STXBP5: variants seen among roughly 807,000 people sequenced by gnomAD.
The protein encoded by STXBP5 is syntaxin binding protein 5, also known as syntaxin-binding protein 5.
Under a neutral mutation model 152.4 loss-of-function variants are expected in STXBP5, and 50 were observed. That is an observed-to-expected ratio of 0.33 (90% CI 0.26 to 0.42). STXBP5 has a LOEUF of 0.42. Ranked by LOEUF, STXBP5 falls within the 10% of genes least tolerant of loss-of-function variation. The pLI is 1.00. For missense variants in STXBP5, 1,167 were observed against 1,388.6 expected (o/e 0.84, Z 2.54); for synonymous variants, 492 against 494.7 (o/e 0.99, Z 0.07).
chr6:147,374,594 T>C (rs561703382), intron 26 of STXBP5, among the ~76,000 whole-genome samples: 74 of 152,284 alleles, frequency 4.9e-4, no homozygotes, highest in African/African-American at 1.6e-3. Context: ...TATAACGTTA[T>C]ATAAAACTCA....
In STXBP5 at chr6:147,235,301, A is replaced by G. The variant is rs776519631; in HGVS notation, c.300A>G (p.Ala100=). 1 of 1,613,098 alleles carries G rather than the reference A, an allele frequency of 6.2e-7. No individual in the cohort carries two copies. The highest frequency in any genetic ancestry group is 1.3e-5 in the African/African-American group (1 of 74,910). The change falls in exon 3 of 28, where the codon GCA becomes GCG. Residue 100 remains alanine, a synonymous_variant. Coordinates refer to ENST00000321680, the MANE Select transcript of STXBP5 (RefSeq NM_001127715.4). The part of the protein sequence containing the change: ...ECYCQHDSGA[A]VIQLQFLINE... ...ATTGCCAGCATGACAGTGGAGCTGC[A>G]GTAATCCAGCTCCAGTTCCTGATTA...
intron 23 of STXBP5, among the ~76,000 whole-genome samples, chr6:147,362,889 G>A (rs1040681087): frequency 6.6e-6 from 1 of 152,184 alleles, no homozygotes; most frequent in Admixed American, 6.6e-5. Context: ...ATGCGCTGCA[G>A]TTGTTCACAC....
chr6:147,347,765 A>C, intron 21 of STXBP5, among the ~76,000 whole-genome samples: 1 of 152,324 alleles, frequency 6.6e-6, no homozygotes. Flanking sequence ...GTAATAAAAA[A>C]AAGTTTGAAA....
intron 2 of STXBP5, among the ~76,000 whole-genome samples, chr6:147,222,714 G>A (rs1777520466): frequency 6.6e-6 from 1 of 152,224 alleles, no homozygotes; most frequent in African/African-American, 2.4e-5. Flanking sequence ...ATTTAAAAAT[G>A]GTTGCCTTTT....
chr6:147,284,712 G>A (rs923341905), intron 8 of STXBP5, among the ~76,000 whole-genome samples: 6 of 152,312 alleles, frequency 3.9e-5, no homozygotes, highest in African/African-American at 9.6e-5. Context: ...AAAGTGGGGT[G>A]TTCTTGGAAA....
intron 2 of STXBP5, among the ~76,000 whole-genome samples, chr6:147,221,244 C>A (rs1016622882): frequency 2.0e-5 from 3 of 151,982 alleles, no homozygotes; most frequent in African/African-American, 7.2e-5. Context: ...TATATATAAG[C>A]ATATGTGTTT....
chr6:147,290,627 G>C (rs1489859035), intron 8 of STXBP5, among the ~76,000 whole-genome samples: 5 of 152,064 alleles, frequency 3.3e-5, no homozygotes, highest in Admixed American at 3.3e-4. Flanking sequence ...AGTCTTTTGG[G>C]TATTACAGTG....
At chr6:147,378,769 T>C (rs1458771694) in intron 26 of STXBP5, among the ~76,000 whole-genome samples, 1 of 152,154 alleles carries the variant, frequency 6.6e-6, no homozygotes, top group Non-Finnish European at 1.5e-5. Flanking sequence ...AAATAAAATT[T>C]AATTTATATT....
chr6:147,327,312 G>T lies in STXBP5; in HGVS notation c.2080+36G>T, dbSNP rs1783314431. 6 of 1,586,772 alleles carry T rather than the reference G, an allele frequency of 3.8e-6. No individual in the cohort carries two copies. The East Asian group carries it at 1.3e-4, about 36-fold the overall frequency. On this transcript the variant is annotated intron_variant, in intron 18 of 27. Transcript: ENST00000321680. ...AAGAAAAGAAAATTCTGAGCTTTAG[G>T]ATTTCTATAAATGCTGGCTTACTTT...
At chr6:147,296,752 G>A (rs1390513787) in intron 9 of STXBP5, among the ~76,000 whole-genome samples, 1 of 152,016 alleles carries the variant, frequency 6.6e-6, no homozygotes, top group Non-Finnish European at 1.5e-5. Flanking sequence ...AAAAAAAATA[G>A]GAAATTCAAC....
intron 9 of STXBP5, among the ~76,000 whole-genome samples, chr6:147,301,258 A>C (rs1781801039): frequency 6.6e-6 from 1 of 152,156 alleles, no homozygotes. Context: ...AAAGTTAAAA[A>C]TAGAACTACC....
At chr6:147,255,131 C>A (rs1212352600) in intron 4 of STXBP5, among the ~76,000 whole-genome samples, 1 of 152,184 alleles carries the variant, frequency 6.6e-6, no homozygotes, top group Non-Finnish European at 1.5e-5. Flanking sequence ...GAATACCATG[C>A]AGCCGTAAAA....
intron 11 of STXBP5, among the ~76,000 whole-genome samples, chr6:147,312,893 A>G (rs1338524626): frequency 6.6e-6 from 1 of 152,150 alleles, no homozygotes; most frequent in Non-Finnish European, 1.5e-5. Flanking sequence ...TGTGATCTGT[A>G]CTGAGATACA....
chr6:147,333,050 G>A (rs527305443), intron 18 of STXBP5, among the ~76,000 whole-genome samples: 4 of 152,074 alleles, frequency 2.6e-5, no homozygotes, highest in Non-Finnish European at 5.9e-5. Context: ...TAAAACTGGA[G>A]TGTTATCACT....
chr6:147,381,063 C>G (rs1786062221), intron 26 of STXBP5, among the ~76,000 whole-genome samples: 2 of 152,080 alleles, frequency 1.3e-5, no homozygotes, highest in African/African-American at 4.8e-5. Context: ...ATAAAAGCAT[C>G]AGATCTGATC....
In STXBP5 at chr6:147,220,051, C is replaced by T. The variant is rs189117020; in HGVS notation, c.248+13983C>T. 2.6e-3 allele frequency among the ~76,000 whole-genome samples: 397 copies of T among 151,752 alleles called. 1 individual carries two copies. Among genetic ancestry groups the T allele is most frequent in the Admixed American group, 4.6e-3 (70 of 15,256 alleles). On this transcript the variant is annotated intron_variant, in intron 2 of 27. Transcript: ENST00000321680. Reference sequence around the variant, plus strand: ...CCTTTAAGTACTATTTTCTGTGTTTCCCATAAATTTTGATAAGTTGTTTTC... The same window carrying T: ...CCTTTAAGTACTATTTTCTGTGTTTTCCATAAATTTTGATAAGTTGTTTTC...
chr6:147,382,393 A>G (rs1033276278), intron 26 of STXBP5, among the ~76,000 whole-genome samples: 5 of 152,270 alleles, frequency 3.3e-5, no homozygotes, highest in African/African-American at 9.6e-5. Context: ...TCAAATCTGT[A>G]TATTTAAATT....
At chr6:147,323,470 C>T (rs1201166628) in intron 16 of STXBP5, among the ~76,000 whole-genome samples, 1 of 152,010 alleles carries the variant, frequency 6.6e-6, no homozygotes, top group Non-Finnish European at 1.5e-5. Flanking sequence ...CAGCCCACTG[C>T]AACCGCTGCC....
intron 26 of STXBP5, among the ~76,000 whole-genome samples, chr6:147,378,481 CTT>C (rs954037459): frequency 2.0e-5 from 3 of 150,594 alleles, no homozygotes; most frequent in African/African-American, 7.3e-5. Flanking sequence ...AAATGTCACT[CTT>C]AATGCAGGAA....
Sources: gnomAD v4.1 joint callset for allele counts (sites outside exome capture counted in the v4.1 genomes callset) on GRCh38, gnomAD v4.1.1 for gene constraint, MANE v1.5 for transcripts, NCBI Gene and HGNC (gene_info 2026-07-23, HGNC 2026-07-21) for gene names.